SLCO3A1: variants seen among roughly 807,000 people sequenced by gnomAD.
The protein encoded by SLCO3A1 is PGE1 transporter.
A neutral mutation model predicts 63.1 loss-of-function variants in SLCO3A1; 27 were observed. The observed-to-expected ratio is 0.43, with a 90% CI of 0.32 to 0.59. The LOEUF (loss-of-function observed/expected upper bound fraction) is 0.59, where lower values mean the gene tolerates loss of function less well. Among genes scored for constraint, SLCO3A1 ranks in the 20% least tolerant of loss-of-function variants. The pLI, the probability that SLCO3A1 is intolerant of heterozygous loss-of-function variation, is 0.09. For synonymous variants in SLCO3A1, 473 were observed against 409.9 expected (o/e 1.15, Z -1.86); for missense variants, 773 against 945.8 (o/e 0.82, Z 2.40).
chr15:91,981,755 C>T (rs2045990488), intron 2 of SLCO3A1, among the ~76,000 whole-genome samples: 1 of 152,186 alleles, frequency 6.6e-6, no homozygotes, highest in Non-Finnish European at 1.5e-5. Flanking sequence ...AAGGTTGTCA[C>T]AGATCCCCCT....
chr15:91,947,619 T>C (rs531682017), intron 2 of SLCO3A1, among the ~76,000 whole-genome samples: 18 of 152,340 alleles, frequency 1.2e-4, no homozygotes, highest in Admixed American at 4.6e-4. Flanking sequence ...CTTCGGCCTT[T>C]GTCACTTGTT....
rs774008944 is a variant in SLCO3A1 at position 92,104,517 on chromosome 15, T to A, written c.984T>A (p.Ser328Arg). 1 of 1,613,718 alleles carries A rather than the reference T, an allele frequency of 6.2e-7. No homozygotes were observed. Among genetic ancestry groups the A allele is most frequent in the East Asian group, 2.2e-5 (1 of 44,856 alleles). ...GGCACCCCCTGGAGCCAGACAGCAGTGCCTCCTGTTTCCAGCAGCTGAGAG... is the reference window on the plus strand; with the variant it reads ...GGCACCCCCTGGAGCCAGACAGCAGAGCCTCCTGTTTCCAGCAGCTGAGAG... ...VLRHPLEPDSSASCFQQLRVI... is the reference protein window; with the variant it reads ...VLRHPLEPDSRASCFQQLRVI... Residue 328 changes from serine to arginine, a missense_variant, in exon 4 of 10, where the codon AGT (serine) becomes AGA (arginine). Transcript: ENST00000318445.
At chr15:92,051,660 A>G (rs886279095) in intron 2 of SLCO3A1, among the ~76,000 whole-genome samples, 3 of 152,160 alleles carry the variant, frequency 2.0e-5, no homozygotes, top group East Asian at 1.9e-4. Flanking sequence ...TTCTGATCCC[A>G]TCGTGAAATG....
At position 91,886,791 on chromosome 15, in the gene SLCO3A1, G is replaced by A. The variant is rs1186039595; in HGVS notation, c.181-29202G>A. On this transcript the variant is annotated intron_variant, in intron 1 of 9. Transcript: ENST00000318445. This position sits in a 1 kb window ranked among gnomAD's most constrained non-coding sequence, Gnocchi z 4.9. Reference sequence around the variant, plus strand: ...TTGATTCTCTTTAAAAGTTGTGAATGTGAGTAATCATGGGTATTTAATGAG... The same window carrying A: ...TTGATTCTCTTTAAAAGTTGTGAATATGAGTAATCATGGGTATTTAATGAG... 6.6e-6 allele frequency among the ~76,000 whole-genome samples: 1 copy of A among 152,232 alleles called. No homozygotes were observed. The highest frequency in any genetic ancestry group is 1.5e-5 in the Non-Finnish European group (1 of 68,044).
At chr15:92,003,083 A>G (rs577030095) in intron 2 of SLCO3A1, among the ~76,000 whole-genome samples, 19 of 152,234 alleles carry the variant, frequency 1.2e-4, no homozygotes, top group African/African-American at 4.3e-4. Flanking sequence ...AACCCTGTGT[A>G]CCTCCATAGC....
intron 2 of SLCO3A1, among the ~76,000 whole-genome samples, chr15:92,061,309 T>C (rs2047083791): frequency 6.6e-6 from 1 of 152,106 alleles, no homozygotes; most frequent in Admixed American, 6.5e-5. Context: ...ATCACAAATA[T>C]CAGACTGAGA....
intron 1 of SLCO3A1, among the ~76,000 whole-genome samples, chr15:91,906,736 A>G (rs1338072637): frequency 5.9e-5 from 9 of 152,252 alleles, no homozygotes; most frequent in African/African-American, 1.9e-4. Flanking sequence ...TGTGAAACAC[A>G]AACTATTAAT....
chr15:91,987,290 G>A (rs979228562), intron 2 of SLCO3A1, among the ~76,000 whole-genome samples: 2 of 152,080 alleles, frequency 1.3e-5, no homozygotes, highest in African/African-American at 4.8e-5. Context: ...GTGTTCAGTA[G>A]GTGCTAATGA....
At chr15:92,142,031 T>A (rs1319751038) in intron 7 of SLCO3A1, among the ~76,000 whole-genome samples, 1 of 152,198 alleles carries the variant, frequency 6.6e-6, no homozygotes, top group Non-Finnish European at 1.5e-5. Context: ...CACAGATCAC[T>A]CTGGCATCTC....
chr15:92,058,423 T>A (rs534492338), intron 2 of SLCO3A1, among the ~76,000 whole-genome samples: 1 of 152,174 alleles, frequency 6.6e-6, no homozygotes, highest in African/African-American at 2.4e-5. Context: ...CCCTCACCCA[T>A]CCCCTAAGCC....
intron 1 of SLCO3A1, among the ~76,000 whole-genome samples, chr15:91,871,269 C>T (rs763449277): frequency 2.0e-4 from 31 of 152,090 alleles, no homozygotes; most frequent in Non-Finnish European, 3.5e-4. Context: ...TGTAGCAGGT[C>T]GTATGCTGGG....
chr15:91,999,040 A>C (rs970283288), intron 2 of SLCO3A1, among the ~76,000 whole-genome samples: 5 of 152,232 alleles, frequency 3.3e-5, no homozygotes, highest in Admixed American at 1.3e-4. Flanking sequence ...CAGGAACAGA[A>C]AATCAAATAC....
At chr15:92,038,678 C>T (rs923798409) in intron 2 of SLCO3A1, among the ~76,000 whole-genome samples, 1 of 152,082 alleles carries the variant, frequency 6.6e-6, no homozygotes, top group Non-Finnish European at 1.5e-5. Flanking sequence ...CCATACTGCC[C>T]AAAGTAATTT....
At chr15:91,961,252 G>T (rs1017130378) in intron 2 of SLCO3A1, among the ~76,000 whole-genome samples, 23 of 152,228 alleles carry the variant, frequency 1.5e-4, no homozygotes, top group African/African-American at 5.3e-4. Flanking sequence ...CTGCCTGCTG[G>T]CAAGGATTTG....
intron 7 of SLCO3A1, among the ~76,000 whole-genome samples, chr15:92,146,502 C>G (rs149332961): frequency 1.3e-5 from 2 of 152,226 alleles, no homozygotes; most frequent in Non-Finnish European, 2.9e-5. Flanking sequence ...CGCGTGACAG[C>G]GTGCAGCCTT....
chr15:92,157,949 C>G (rs1443192603), intron 9 of SLCO3A1, among the ~76,000 whole-genome samples: 1 of 152,146 alleles, frequency 6.6e-6, no homozygotes, highest in Non-Finnish European at 1.5e-5. Context: ...GAATTAGAAT[C>G]CAAGATCAGC....
intron 4 of SLCO3A1, among the ~76,000 whole-genome samples, chr15:92,106,192 AT>A (rs1379796126): frequency 6.6e-6 from 1 of 152,216 alleles, no homozygotes; most frequent in Non-Finnish European, 1.5e-5. Context: ...TCGTAATGTT[AT>A]GTCTGGCCCC....
intron 2 of SLCO3A1, among the ~76,000 whole-genome samples, chr15:91,990,443 T>C (rs2046111847): frequency 6.6e-6 from 1 of 152,082 alleles, no homozygotes; most frequent in Non-Finnish European, 1.5e-5. Context: ...CCCTCTTGAC[T>C]CTGACCATCC....
intron 9 of SLCO3A1, among the ~76,000 whole-genome samples, chr15:92,156,879 A>AT (rs1410949042): frequency 2.6e-5 from 4 of 152,216 alleles, no homozygotes; most frequent in South Asian, 2.1e-4. Flanking sequence ...TTTTCTTACA[A>AT]AAGCCTTTCA....
Sources: allele counts gnomAD v4.1 joint callset (sites outside exome capture counted in the v4.1 genomes callset), GRCh38; gene constraint gnomAD v4.1.1; non-coding constraint Gnocchi (gnomAD v3.1); transcripts MANE v1.5; gene names NCBI Gene and HGNC (gene_info 2026-07-23, HGNC 2026-07-21).